LCLAT1: variants seen among roughly 807,000 people sequenced by gnomAD.
LCLAT1 encodes the protein lysocardiolipin acyltransferase 1.
In LCLAT1, 11 loss-of-function variants were observed where a neutral mutation model predicts 30.7. That is an observed-to-expected ratio of 0.36 (90% CI 0.23 to 0.59). LCLAT1 has a LOEUF of 0.59. Ranked by LOEUF, LCLAT1 falls within the 20% of genes least tolerant of loss-of-function variation. LCLAT1 has a pLI of 0.77. For missense variants in LCLAT1, 402 were observed against 458.6 expected, an observed-to-expected ratio of 0.88 and a Z score of 1.13; for synonymous variants, 155 against 151.3, an observed-to-expected ratio of 1.02 and a Z score of -0.18.
At chr2:30,551,571 AG>A (rs1664681096) in intron 3 of LCLAT1, among the ~76,000 whole-genome samples, 1 of 152,206 alleles carries the variant, frequency 6.6e-6, no homozygotes, top group African/African-American at 2.4e-5. Context: ...AGTGGTTTAA[AG>A]GACACAAATT....
intron 1 of LCLAT1, among the ~76,000 whole-genome samples, chr2:30,487,462 T>A (rs1337828028): frequency 6.6e-6 from 1 of 152,226 alleles, no homozygotes; most frequent in Non-Finnish European, 1.5e-5. Context: ...TTTTCCCTTC[T>A]ATAAACATTA....
intron 3 of LCLAT1, among the ~76,000 whole-genome samples, chr2:30,539,565 TA>T (rs1664027150): frequency 1.3e-5 from 2 of 152,068 alleles, no homozygotes; most frequent in Admixed American, 1.3e-4. Context: ...ACATGTGTTA[TA>T]AAACTATATA....
chr2:30,459,069 A>G (rs1419567509), intron 1 of LCLAT1, among the ~76,000 whole-genome samples: 1 of 152,222 alleles, frequency 6.6e-6, no homozygotes, highest in Non-Finnish European at 1.5e-5. Context: ...GGATCCAGGA[A>G]ATGAGCAGCA....
intron 5 of LCLAT1, among the ~76,000 whole-genome samples, chr2:30,637,267 C>T (rs1055760369): frequency 7.3e-5 from 11 of 150,992 alleles, no homozygotes; most frequent in African/African-American, 2.7e-4. Flanking sequence ...CTAGCTTGTA[C>T]TGTCTAGTCA....
At chr2:30,462,492 G>A (rs560633443) in intron 1 of LCLAT1, among the ~76,000 whole-genome samples, 24 of 152,272 alleles carry the variant, frequency 1.6e-4, no homozygotes, top group African/African-American at 5.8e-4. Context: ...ACTGAGGGGA[G>A]GACCCTTCTG....
At chr2:30,631,823 AT>A (rs534483818) in intron 5 of LCLAT1, among the ~76,000 whole-genome samples, 195 of 152,234 alleles carry the variant, frequency 1.3e-3, no homozygotes, top group African/African-American at 4.4e-3. Flanking sequence ...GGGGCTATTC[AT>A]TTTTTTATAT....
intron 3 of LCLAT1, among the ~76,000 whole-genome samples, chr2:30,536,398 G>A (rs1481689696): frequency 2.6e-5 from 4 of 152,152 alleles, no homozygotes; most frequent in Admixed American, 6.5e-5. Flanking sequence ...GAAAGGTGTC[G>A]AATCACATAA....
At chr2:30,614,619 G>C (rs1667903543) in intron 5 of LCLAT1, among the ~76,000 whole-genome samples, 1 of 152,168 alleles carries the variant, frequency 6.6e-6, no homozygotes, top group Admixed American at 6.5e-5. Flanking sequence ...TTCCATTTAA[G>C]CCATGTTAAG....
intron 5 of LCLAT1, among the ~76,000 whole-genome samples, chr2:30,580,624 GC>G (rs1666173859): frequency 6.6e-6 from 1 of 152,092 alleles, no homozygotes; most frequent in Non-Finnish European, 1.5e-5. Flanking sequence ...GAAGAGTTTA[GC>G]ATTTTTAAAT....
intron 5 of LCLAT1, among the ~76,000 whole-genome samples, chr2:30,594,819 T>A (rs1975555): frequency 0.88 from 133,525 of 152,278 alleles, 58,960 homozygotes; most frequent in African/African-American, 0.97. Flanking sequence ...GGATATTTTT[T>A]AAGGCATCTA....
intron 1 of LCLAT1, among the ~76,000 whole-genome samples, chr2:30,518,100 C>T (rs1685277765): frequency 6.6e-6 from 1 of 152,224 alleles, no homozygotes; most frequent in African/African-American, 2.4e-5. Flanking sequence ...CTCACCAGTT[C>T]AGAAATACCC....
chr2:30,536,122 A>C (rs897754119), intron 3 of LCLAT1, among the ~76,000 whole-genome samples: 3 of 152,222 alleles, frequency 2.0e-5, no homozygotes, highest in African/African-American at 7.2e-5. Flanking sequence ...AAAAGAAAGA[A>C]TGAAGAAAGC....
intron 5 of LCLAT1, among the ~76,000 whole-genome samples, chr2:30,632,103 T>C (rs913734916): frequency 9.9e-5 from 15 of 152,166 alleles, no homozygotes; most frequent in Non-Finnish European, 5.9e-5. Flanking sequence ...AGGATAGAAA[T>C]GTGAAAATAG....
At chr2:30,466,039 A>G (rs940929220) in intron 1 of LCLAT1, among the ~76,000 whole-genome samples, 1 of 152,086 alleles carries the variant, frequency 6.6e-6, no homozygotes, top group East Asian at 1.9e-4. Context: ...AGAGTTGTCT[A>G]GATGAGTTGT....
chr2:30,641,263 CAGGG>C lies in LCLAT1; in HGVS notation c.*647_*650del, dbSNP rs1196320329. The C allele has an allele frequency of 6.6e-6, 1 of 152,222 alleles. No individual in the cohort carries two copies. The highest frequency in any genetic ancestry group is 1.5e-5 in the Non-Finnish European group (1 of 68,072). 9.4% of individuals were successfully genotyped at this position (152,222 alleles called of 1,614,324 possible). Reference sequence around the variant, plus strand: ...TCTCGTGGAAGATAAAACCTGGACTCAGGGAGCAACCACAGGCTCTCCACTTTGA... The same window carrying C: ...TCTCGTGGAAGATAAAACCTGGACTCAGCAACCACAGGCTCTCCACTTTGA... On this transcript the variant is annotated 3_prime_UTR_variant, in exon 6 of 6. Transcript: ENST00000379509.
intron 1 of LCLAT1, among the ~76,000 whole-genome samples, chr2:30,490,634 T>A (rs985452708): frequency 6.6e-6 from 1 of 152,254 alleles, no homozygotes; most frequent in Admixed American, 6.5e-5. Flanking sequence ...TTTGAGAAAC[T>A]AGGCACTTTA....
At chr2:30,630,374 AT>A (rs1449862914) in intron 5 of LCLAT1, among the ~76,000 whole-genome samples, 17 of 152,210 alleles carry the variant, frequency 1.1e-4, no homozygotes, top group African/African-American at 2.4e-5. Context: ...TAGGTGTTTT[AT>A]GTGAATAAGT....
At chr2:30,476,999 A>C (rs921318054) in intron 1 of LCLAT1, among the ~76,000 whole-genome samples, 1 of 152,224 alleles carries the variant, frequency 6.6e-6, no homozygotes, top group Admixed American at 6.5e-5. Context: ...TTTTTGGCCC[A>C]TAAGGTATTT....
intron 5 of LCLAT1, among the ~76,000 whole-genome samples, chr2:30,615,663 A>G (rs1017276683): frequency 4.6e-5 from 7 of 152,030 alleles, no homozygotes; most frequent in Admixed American, 1.3e-4. Flanking sequence ...AAGAGACACC[A>G]CATATCAAAA....
Sources: allele counts gnomAD v4.1 joint callset (sites outside exome capture counted in the v4.1 genomes callset), GRCh38; gene constraint gnomAD v4.1.1; transcripts MANE v1.5; gene names NCBI Gene and HGNC (gene_info 2026-07-23, HGNC 2026-07-21).